The following SERGEF variants were observed in gnomAD, a reference collection of about 807,000 sequenced individuals.
SERGEF encodes secretion-regulating guanine nucleotide exchange factor.
SERGEF carries 51 observed loss-of-function variants against 50.0 expected under a neutral mutation model. That is an observed-to-expected ratio of 1.02 (90% CI 0.81 to 1.29). SERGEF has a LOEUF of 1.29. SERGEF is among the 50% of genes most tolerant of loss of function. SERGEF has a pLI of 0.00. For synonymous variants in SERGEF, 205 were observed against 212.4 expected, an observed-to-expected ratio of 0.97 and a Z score of 0.30; for missense variants, 521 against 557.0, an observed-to-expected ratio of 0.94 and a Z score of 0.65.
At position 17,857,115 on chromosome 11, in the gene SERGEF, G is replaced by T. The variant is rs769763845; in HGVS notation, c.1048+21093C>A. 7.0e-4 allele frequency among the ~76,000 whole-genome samples: 106 copies of T among 152,154 alleles called. 3 individuals carry two copies. Among genetic ancestry groups the T allele is most frequent in the Non-Finnish European group, 2.1e-4 (14 of 68,032 alleles). ...GGGCTCCTGAGGCCATGGACTGCTA[G>T]GTCACAGTGACAAAGGTGGGACCTT... is the stretch of plus-strand genomic sequence containing the variant. On this transcript the variant is annotated intron_variant, in intron 10 of 10. Coordinates refer to ENST00000265965, the MANE Select transcript of SERGEF (RefSeq NM_012139.4).
chr11:17,978,384 A>G (rs931568701), intron 8 of SERGEF, among the ~76,000 whole-genome samples: 10 of 152,194 alleles, frequency 6.6e-5, no homozygotes, highest in African/African-American at 2.4e-4. Context: ...AGGACTTAAG[A>G]GATGACCCCT....
intron 10 of SERGEF, among the ~76,000 whole-genome samples, chr11:17,839,566 A>G (rs1209816035): frequency 2.6e-5 from 4 of 152,136 alleles, no homozygotes; most frequent in Non-Finnish European, 5.9e-5. Context: ...CCTCAGGCAG[A>G]AAAAGGACAG....
At chr11:18,008,833 C>T (rs1050945904) in intron 1 of SERGEF, among the ~76,000 whole-genome samples, 2 of 151,920 alleles carry the variant, frequency 1.3e-5, no homozygotes, top group Non-Finnish European at 2.9e-5. Context: ...CACTATCCAG[C>T]GTGTTTCAAA....
chr11:18,012,479 C>T (rs1350973760), intron 1 of SERGEF: 6 of 1,077,428 alleles, frequency 5.6e-6, no homozygotes, highest in Non-Finnish European at 5.6e-6. Context: ...GCCTTGTGCG[C>T]GGCCAAACAC....
chr11:17,807,479 G>A (rs1376295543), intron 10 of SERGEF, among the ~76,000 whole-genome samples: 1 of 152,244 alleles, frequency 6.6e-6, no homozygotes, highest in African/African-American at 2.4e-5. Flanking sequence ...AAGGAAGCCA[G>A]GCCCTGGCTG....
At chr11:17,828,424 G>A (rs1245159318) in intron 10 of SERGEF, among the ~76,000 whole-genome samples, 3 of 152,238 alleles carry the variant, frequency 2.0e-5, no homozygotes, top group South Asian at 4.1e-4. Context: ...CAGCCCTGCC[G>A]TGTGGATCCA....
rs149191370 is a variant in SERGEF at position 17,802,469 on chromosome 11, T to C, written c.1049-14056A>G. 4.1e-3 allele frequency among the ~76,000 whole-genome samples: 622 copies of C among 152,290 alleles called. 4 individuals are homozygous for C. The highest frequency in any genetic ancestry group is 0.015 in the African/African-American group (603 of 41,562). On this transcript the variant is annotated intron_variant, in intron 10 of 10. Coordinates refer to ENST00000265965, the MANE Select transcript of SERGEF (RefSeq NM_012139.4). ...ACTTTGAGGCTGAGGCGAGGCACAT[T>C]TGTCTCAGAGTGTGAATCTTTCAAA...
chr11:18,007,492 C>T (rs1378806990), intron 2 of SERGEF, among the ~76,000 whole-genome samples: 1 of 152,152 alleles, frequency 6.6e-6, no homozygotes, highest in Non-Finnish European at 1.5e-5. Flanking sequence ...ATGCAATATG[C>T]CCCCCTTTAC....
At chr11:17,963,807 T>G (rs1223332423) in intron 8 of SERGEF, among the ~76,000 whole-genome samples, 1 of 152,266 alleles carries the variant, frequency 6.6e-6, no homozygotes, top group Non-Finnish European at 1.5e-5. Context: ...ATCCTGCTTA[T>G]TCTTGCAACA....
chr11:17,903,141 A>G (rs1316353108), intron 9 of SERGEF, among the ~76,000 whole-genome samples: 1 of 152,252 alleles, frequency 6.6e-6, no homozygotes, highest in East Asian at 1.9e-4. Context: ...CATGTGCCAG[A>G]AAGGACCAGA....
rs528861327 is a variant in SERGEF, at chr11:17,813,616, C to G, written c.1049-25203G>C. Among the ~76,000 whole-genome samples, 4 of 152,334 alleles carry G rather than the reference C, an allele frequency of 2.6e-5. No individual in the cohort carries two copies. The East Asian group carries it at 5.8e-4, about 22-fold the overall frequency. On this transcript the variant is annotated intron_variant, in intron 10 of 10. Coordinates refer to ENST00000265965, the MANE Select transcript of SERGEF (RefSeq NM_012139.4). ...TCTAGGCAGGGAGTTAACTCTTACT[C>G]CCCCACAAAAATCTTTCCTTACAGT...
chr11:17,914,957 G>C (rs1852021851), intron 9 of SERGEF, among the ~76,000 whole-genome samples: 1 of 152,186 alleles, frequency 6.6e-6, no homozygotes, highest in Non-Finnish European at 1.5e-5. Context: ...GAAAGGAATG[G>C]AGAATAAAAG....
intron 9 of SERGEF, among the ~76,000 whole-genome samples, chr11:17,922,620 G>C (rs11024434): frequency 0.19 from 29,231 of 151,978 alleles, 3,636 homozygotes; most frequent in Non-Finnish European, 0.27. Context: ...GTCTCCACTG[G>C]GGGTATTTTT....
chr11:17,809,179 A>G (rs1849821680), intron 10 of SERGEF, among the ~76,000 whole-genome samples: 1 of 152,202 alleles, frequency 6.6e-6, no homozygotes, highest in South Asian at 2.1e-4. Flanking sequence ...AGAGCATTCT[A>G]AGTAGATAGA....
chr11:17,971,663 A>C (rs959276608), intron 8 of SERGEF, among the ~76,000 whole-genome samples: 1 of 152,216 alleles, frequency 6.6e-6, no homozygotes, highest in East Asian at 1.9e-4. Flanking sequence ...GTGTACATGG[A>C]GATTAATGTT....
At chr11:17,898,219 G>C (rs1331265460) in intron 9 of SERGEF, among the ~76,000 whole-genome samples, 2 of 152,200 alleles carry the variant, frequency 1.3e-5, no homozygotes, top group East Asian at 3.8e-4. Flanking sequence ...ATGAATTCCT[G>C]TTCTAGCAGC....
intron 10 of SERGEF, among the ~76,000 whole-genome samples, chr11:17,802,347 C>G (rs1849686273): frequency 1.3e-5 from 2 of 152,192 alleles, no homozygotes; most frequent in South Asian, 4.2e-4. Context: ...TGGGCTCCCT[C>G]CCTGCATGAC....
chr11:18,011,766 G>T (rs1475380131), intron 1 of SERGEF, among the ~76,000 whole-genome samples: 1 of 152,042 alleles, frequency 6.6e-6, no homozygotes, highest in Non-Finnish European at 1.5e-5. Context: ...CTCCTGCCTG[G>T]AAAAAGCCAG....
At chr11:17,833,241 G>A (rs192749477) in intron 10 of SERGEF, among the ~76,000 whole-genome samples, 11 of 152,306 alleles carry the variant, frequency 7.2e-5, no homozygotes, top group Admixed American at 2.0e-4. Context: ...AGGGGCCAAC[G>A]TAGAGCTTGG....
Sources: allele counts gnomAD v4.1 joint callset (sites outside exome capture counted in the v4.1 genomes callset), GRCh38; gene constraint gnomAD v4.1.1; transcripts MANE v1.5; gene names NCBI Gene and HGNC (gene_info 2026-07-23, HGNC 2026-07-21).